ADGRG4: variants seen among roughly 807,000 people sequenced by gnomAD.
The protein encoded by ADGRG4 is adhesion G protein-coupled receptor G4, also known as G protein-coupled receptor 112.
A neutral mutation model predicts 126.2 loss-of-function variants in ADGRG4; 122 were observed. The observed-to-expected ratio is 0.97, with a 90% CI of 0.83 to 1.12. ADGRG4 has a LOEUF of 1.12. Ranked by LOEUF, ADGRG4 falls within the 50% of genes most tolerant of loss-of-function variation. ADGRG4 has a pLI of 0.00. For missense variants in ADGRG4, 2,481 were observed against 2,251.8 expected (o/e 1.10, Z -2.06); for synonymous variants, 943 against 838.7 (o/e 1.12, Z -2.15).
intron 10 of ADGRG4, among the ~76,000 whole-genome samples, chrX:136,358,161 C>T (rs1305438464): frequency 9.0e-6 from 1 of 110,951 alleles, no homozygotes; most frequent in African/African-American, 3.3e-5. Flanking sequence ...TTGATCTGTT[C>T]GACGCACATC....
chrX:136,400,220 C>T (rs1052777850), intron 21 of ADGRG4, 104 bp downstream of exon 21: 4 of 682,954 alleles, frequency 5.9e-6, no homozygotes, highest in African/African-American at 2.2e-5. Flanking sequence ...AATTAAGGAT[C>T]GCCTTGCTGG....
At chrX:136,302,776 G>A (rs1053795810) in intron 1 of ADGRG4, among the ~76,000 whole-genome samples, 1 of 111,407 alleles carries the variant, frequency 9.0e-6, no homozygotes, top group Admixed American at 9.6e-5. Flanking sequence ...ACTTAATAAA[G>A]CATTTATTAC....
At chrX:136,326,496 TCCCACC>T (rs1353826382) in intron 5 of ADGRG4, among the ~76,000 whole-genome samples, 1 of 111,520 alleles carries the variant, frequency 9.0e-6, no homozygotes. Context: ...TCTTTTCACC[TCCCACC>T]GTACAGGACT....
intron 5 of ADGRG4, among the ~76,000 whole-genome samples, chrX:136,338,656 C>T (rs2074962083): frequency 8.9e-6 from 1 of 111,775 alleles, no homozygotes; most frequent in Admixed American, 9.5e-5. Context: ...ATGATGATTG[C>T]TTTAATATCA....
At position 136,301,809 on chromosome X, in the gene ADGRG4, G is replaced by A. The variant is rs2074702153; in HGVS notation, c.-254+809G>A. Among the ~76,000 whole-genome samples, 2 of 111,769 alleles carry A rather than the reference G, an allele frequency of 1.8e-5. 1 individual carries two copies. The highest frequency in any genetic ancestry group is 7.5e-4 in the South Asian group (2 of 2,677). On this transcript the variant is annotated intron_variant, in intron 1 of 25. Coordinates refer to ENST00000394143, the MANE Select transcript of ADGRG4 (RefSeq NM_153834.4). Reference sequence around the variant, plus strand: ...TCAGCTTTCTCCATATGGCTAGCCAGTTTTCCCAGCACCGTTTATTAAATA... The same window carrying A: ...TCAGCTTTCTCCATATGGCTAGCCAATTTTCCCAGCACCGTTTATTAAATA...
In ADGRG4 at chrX:136,309,491, T is replaced by G. The variant is rs140497632; in HGVS notation, c.70+644T>G. On this transcript the variant is annotated intron_variant, in intron 4 of 25. Coordinates refer to ENST00000394143, the MANE Select transcript of ADGRG4 (RefSeq NM_153834.4). ...GCAATCTTGTCCACATTAAGTAAAT[T>G]CAGTTTGTAGCATTGCTTATTTAGC... is the stretch of plus-strand genomic sequence containing the variant. 4.6e-3 allele frequency among the ~76,000 whole-genome samples: 514 copies of G among 112,405 alleles called. 1 individual carries two copies. The highest frequency in any genetic ancestry group is 8.1e-3 in the Non-Finnish European group (432 of 53,289).
At chrX:136,355,604 C>A (rs1028886612) in intron 8 of ADGRG4, among the ~76,000 whole-genome samples, 10 of 111,181 alleles carry the variant, frequency 9.0e-5, no homozygotes, top group African/African-American at 3.3e-4. Context: ...TTCAAGAACT[C>A]CTGTTAACAG....
At chrX:136,310,079 G>A (rs1462882591) in intron 4 of ADGRG4, among the ~76,000 whole-genome samples, 1 of 111,256 alleles carries the variant, frequency 9.0e-6, no homozygotes, top group African/African-American at 3.3e-5. Context: ...AGTGAAGAGT[G>A]TGTGGTACTG....
Position 136,346,059 on chromosome X carries a change from T to G in ADGRG4, c.2353T>G (p.Ser785Ala). 8.3e-7 allele frequency: 1 copy of G among 1,206,564 alleles called. No individual in the cohort carries two copies. The highest frequency in any genetic ancestry group is 1.8e-5 in the South Asian group (1 of 56,282). Residue 785 changes from serine (S) to alanine (A), a missense_variant, in exon 6 of 26, where the codon TCA (serine) becomes GCA (alanine). Transcript: ENST00000394143. ...PLTPRETVVPSVDIISTLACI... is the reference protein window; with the variant it reads ...PLTPRETVVPAVDIISTLACI... ...GACACCAAGGGAGACTGTTGTTCCA[T>G]CAGTAGATATAATATCTACTCTTGC...
At position 136,348,772 on chromosome X, in the gene ADGRG4, C is replaced by A. The variant is rs1192858412; in HGVS notation, c.5066C>A (p.Ser1689Tyr). 1.7e-6 allele frequency: 2 copies of A among 1,208,606 alleles called. No homozygotes were observed. The highest frequency in any genetic ancestry group is 2.2e-6 in the Non-Finnish European group (2 of 893,842). ...AGTTCTAAGAGCACTGGAGCTATTT[C>A]CTCCATTCCAAAGACCACATTTTCA... ...PLSSKSTGAISSIPKTTFSPF... is the reference protein window; with the variant it reads ...PLSSKSTGAIYSIPKTTFSPF... The change falls in exon 6 of 26, where the codon TCC (serine) becomes TAC (tyrosine). Residue 1689 changes from serine (S) to tyrosine (Y), a missense_variant. By Grantham distance (144) the Ser-to-Tyr change is moderately radical. Transcript: ENST00000394143.
At chrX:136,302,195 T>C (rs932376682) in intron 1 of ADGRG4, among the ~76,000 whole-genome samples, 2 of 112,169 alleles carry the variant, frequency 1.8e-5, no homozygotes, top group African/African-American at 6.5e-5. Flanking sequence ...TTTCACAATA[T>C]TGATTCTTCC....
chrX:136,393,468 G>A (rs1471586668), intron 17 of ADGRG4, 67 bp from the exon 18 acceptor site: 1 of 902,000 alleles, frequency 1.1e-6, no homozygotes, highest in Non-Finnish European at 1.6e-6. Flanking sequence ...AAACACTTAT[G>A]TGTATATGTT....
intron 8 of ADGRG4, among the ~76,000 whole-genome samples, chrX:136,354,229 G>A (rs2075080048): frequency 9.0e-6 from 1 of 111,678 alleles, no homozygotes; most frequent in African/African-American, 3.3e-5. Flanking sequence ...GTCTTAGTCA[G>A]TTTTGAGTTA....
chrX:136,364,865 A>AT (rs1482570556), intron 13 of ADGRG4, among the ~76,000 whole-genome samples: 1 of 112,052 alleles, frequency 8.9e-6, no homozygotes, highest in Non-Finnish European at 1.9e-5. Flanking sequence ...AATATTACAT[A>AT]TATGTCAGAA....
At chrX:136,344,302 C>G in intron 5 of ADGRG4, 90 bp from the exon 6 acceptor site, 1 of 578,574 alleles carries the variant, frequency 1.7e-6, no homozygotes, top group East Asian at 3.6e-5. Flanking sequence ...TACTTTCTTA[C>G]AAAATGAAAA....
rs772477101 is a variant in ADGRG4 at position 136,365,469 on chromosome X, C to A, written c.7396+1874C>A. Reference sequence around the variant, plus strand: ...ATATACCACATTTTGCTTATTAATTCATCATTTGACAGATATTTCTTTTCC... The same window carrying A: ...ATATACCACATTTTGCTTATTAATTAATCATTTGACAGATATTTCTTTTCC... On this transcript the variant is annotated intron_variant, in intron 13 of 25. Transcript: ENST00000394143. Among the ~76,000 whole-genome samples, 23 of 111,878 alleles carry A rather than the reference C, an allele frequency of 2.1e-4. 1 individual carries two copies. The Admixed American group carries it at 2.1e-3, about 10-fold the overall frequency.
At chrX:136,395,353 A>G (rs766443977) in intron 18 of ADGRG4, 37 bp from the exon 19 acceptor site, 2 of 947,242 alleles carry the variant, frequency 2.1e-6, no homozygotes. Context: ...TCTGAGAAAA[A>G]CAAAATTGCT....
intron 2 of ADGRG4, among the ~76,000 whole-genome samples, 165 bp from the exon 3 acceptor site, chrX:136,304,690 T>C (rs1011965920): frequency 8.9e-6 from 1 of 112,221 alleles, no homozygotes; most frequent in African/African-American, 3.2e-5. Context: ...GCGCCCTCTA[T>C]GTGCCAGGCA....
chrX:136,412,783 C>T (rs1195686770), intron 24 of ADGRG4, among the ~76,000 whole-genome samples: 1 of 112,077 alleles, frequency 8.9e-6, no homozygotes, highest in Non-Finnish European at 1.9e-5. Flanking sequence ...TCCTAAGATG[C>T]CTGGCCAGTG....
Sources: gnomAD v4.1 joint callset for allele counts (sites outside exome capture counted in the v4.1 genomes callset) on GRCh38, gnomAD v4.1.1 for gene constraint, MANE v1.5 for transcripts, NCBI Gene and HGNC (gene_info 2026-07-23, HGNC 2026-07-21) for gene names.